Variants in ABCC8 observed in about 807,000 individuals in gnomAD.
The protein encoded by ABCC8 is ATP binding cassette subfamily C member 8, also known as ATP-binding cassette sub-family C member 8.
In ABCC8, 137 loss-of-function variants were observed where a neutral mutation model predicts 188.0. That is an observed-to-expected ratio of 0.73 (90% CI 0.63 to 0.84). The LOEUF is 0.84. Among genes scored for constraint, ABCC8 ranks in the 40% least tolerant of loss-of-function variants. The probability of loss-of-function intolerance (pLI) is 0.00; values close to 1 mark genes in which losing one functional copy is unlikely to be tolerated. For synonymous variants in ABCC8, 797 were observed against 846.5 expected, an observed-to-expected ratio of 0.94 and a Z score of 1.01; for missense variants, 1,750 against 2,072.7, an observed-to-expected ratio of 0.84 and a Z score of 3.02.
rs540842206 is a variant in ABCC8, at chr11:17,428,906, G to C, written c.1818-236C>G. On this transcript the variant is annotated intron_variant, in intron 12 of 38. Transcript: ENST00000389817. ...TGGGGTCTGGATTGGAGGTGAGATT[G>C]GTTAGTTTTAGGGTTAATGTTGAAG... 4.0e-4 allele frequency: 272 copies of C among 675,622 alleles called. 2 individuals carry two copies. The highest frequency in any genetic ancestry group is 2.9e-3 in the Middle Eastern group (7 of 2,436). 41.9% of individuals were successfully genotyped at this position (675,622 alleles called of 1,614,324 possible).
At chr11:17,439,226 T>C (rs1956218725) in intron 10 of ABCC8, among the ~76,000 whole-genome samples, 1 of 149,812 alleles carries the variant, frequency 6.7e-6, no homozygotes, top group African/African-American at 2.6e-5. Flanking sequence ...TGCCCATTCA[T>C]TCCCTTTTCA....
At chr11:17,428,156 A>G in intron 14 of ABCC8, 133 bp downstream of exon 14, 1 of 1,539,890 alleles carries the variant, frequency 6.5e-7, no homozygotes, top group Admixed American at 1.7e-5. Flanking sequence ...TGGTTTCTGG[A>G]CTCCTATGGA....
rs181522987 is a variant in ABCC8 at position 17,399,684 on chromosome 11, C to T, written c.3651-1243G>A. On this transcript the variant is annotated intron_variant, in intron 29 of 38. Coordinates refer to ENST00000389817, the MANE Select transcript of ABCC8 (RefSeq NM_000352.6). Reference sequence around the variant, plus strand: ...CATTTCTCTAGCTATTTATAATCATCTCCCTCAATAGACTGCAAATTCCAT... The same window carrying T: ...CATTTCTCTAGCTATTTATAATCATTTCCCTCAATAGACTGCAAATTCCAT... 5.3e-4 allele frequency among the ~76,000 whole-genome samples: 81 copies of T among 152,344 alleles called. No homozygotes were observed. In the East Asian group the frequency reaches 0.015, roughly 29 times the overall value.
intron 10 of ABCC8, chr11:17,435,937 AC>A: frequency 6.5e-7 from 1 of 1,546,662 alleles, no homozygotes; most frequent in Non-Finnish European, 8.9e-7. Context: ...AAAAAGAGAG[AC>A]CCCTGCACTC....
Position 17,428,386 on chromosome 11 carries a change from CG to C in ABCC8, c.1942del (p.Arg648AlafsTer61). On this transcript the variant is annotated frameshift_variant, in exon 14 of 39. Coordinates refer to ENST00000389817, the MANE Select transcript of ABCC8 (RefSeq NM_000352.6). LOFTEE classifies it high-confidence loss of function. The part of the protein sequence containing the change: ...YQAVPLRVVN[R>X]KRPAREDCRG... ...ACAATCCTCCCGGGCTGGACGCTTGCGGTTCACAACCCTGAGGGGCTGGGGG... is the reference window on the plus strand; with the variant it reads ...ACAATCCTCCCGGGCTGGACGCTTGCGTTCACAACCCTGAGGGGCTGGGGG... 1 of 1,613,742 alleles carries C rather than the reference CG, an allele frequency of 6.2e-7. No individual in the cohort carries two copies. The highest frequency in any genetic ancestry group is 8.5e-7 in the Non-Finnish European group (1 of 1,179,782).
intron 7 of ABCC8, among the ~76,000 whole-genome samples, chr11:17,450,294 CTTTCTT>C (rs1472177147): frequency 1.1e-4 from 15 of 134,768 alleles, no homozygotes; most frequent in Non-Finnish European, 2.1e-4. Flanking sequence ...TTCTTTCTTT[CTTTCTT>C]TCTTTCTTTC....
intron 10 of ABCC8, among the ~76,000 whole-genome samples, chr11:17,439,779 A>C (rs1219664815): frequency 6.6e-6 from 1 of 152,052 alleles, no homozygotes; most frequent in Admixed American, 6.6e-5. Flanking sequence ...GGTGACTTGG[A>C]CACGTGAGGA....
At chr11:17,421,020 G>A (rs1591780444) in intron 16 of ABCC8, among the ~76,000 whole-genome samples, 2 of 152,238 alleles carry the variant, frequency 1.3e-5, no homozygotes, top group Admixed American at 6.5e-5. Context: ...GGCTGCTGAC[G>A]TGAGGGACAA....
chr11:17,430,653 G>T, intron 12 of ABCC8, 161 bp downstream of exon 12: 1 of 855,496 alleles, frequency 1.2e-6, no homozygotes, highest in Non-Finnish European at 2.0e-6. Flanking sequence ...AAACCATACA[G>T]GCCAATGTCC....
intron 3 of ABCC8, among the ~76,000 whole-genome samples, chr11:17,466,119 G>T (rs1031319287): frequency 6.6e-6 from 1 of 152,134 alleles, no homozygotes; most frequent in Non-Finnish European, 1.5e-5. Context: ...AAGACAAATA[G>T]GCCAGGCAAG....
At chr11:17,435,747 A>C in intron 10 of ABCC8, 1 of 1,346,620 alleles carries the variant, frequency 7.4e-7, no homozygotes, top group Non-Finnish European at 1.1e-6. Context: ...ATAGCTGGGG[A>C]ATCTTCAGGC....
intron 8 of ABCC8, 157 bp downstream of exon 8, chr11:17,448,359 G>C (rs1399721745): frequency 1.4e-6 from 1 of 703,732 alleles, no homozygotes; most frequent in East Asian, 2.7e-5. Context: ...GGGACAGGAG[G>C]GACCCAGAGG....
At chr11:17,429,054 C>CCAGACACTGTGTTAACTGT (rs1955728764) in intron 12 of ABCC8, 1 of 276,724 alleles carries the variant, frequency 3.6e-6, no homozygotes, top group African/African-American at 2.2e-5. Context: ...ACACTAAATG[C>CCAGACACTGTGTTAACTGT]CAGACACTGT....
chr11:17,404,371 T>G lies in ABCC8; in HGVS notation c.3557+141A>C. On this transcript the variant is annotated intron_variant, in intron 28 of 38. Transcript: ENST00000389817. This position sits in a 1 kb window ranked among gnomAD's most constrained non-coding sequence, Gnocchi z 4.7. ...GGGCGGTGGAATAAGATGTGGATAT[T>G]TCTATTTCCTTCATTTCTGTTTTTT... is the stretch of plus-strand genomic sequence containing the variant. The G allele has an allele frequency of 1.1e-6, 1 of 906,506 alleles. No homozygotes were observed. The highest frequency in any genetic ancestry group is 1.8e-6 in the Non-Finnish European group (1 of 548,700). The allele number at this position is 906,506 out of a possible 1,614,324, so 56.2% of individuals were successfully genotyped here.
intron 3 of ABCC8, among the ~76,000 whole-genome samples, chr11:17,467,707 C>A (rs1490682122): frequency 6.6e-6 from 1 of 152,172 alleles, no homozygotes; most frequent in Non-Finnish European, 1.5e-5. Flanking sequence ...CAGACATCAG[C>A]CCCTTGGAGG....
Position 17,428,338 on chromosome 11 carries a change from T to A in ABCC8, c.1991A>T (p.Gln664Leu). 2 of 1,614,190 alleles carry A rather than the reference T, an allele frequency of 1.2e-6. No individual in the cohort carries two copies. The highest frequency in any genetic ancestry group is 2.2e-5 in the South Asian group (2 of 91,086). ...GCCATCTGCACTGGGGACCAGGCTC[T>A]GCAGTGGGCCGGTGAGGCCCCGACA... ...EDCRGLTGPL[Q>L]SLVPSADGDA... The change falls in exon 14 of 39, where the codon CAG (glutamine) becomes CTG (leucine). Residue 664 changes from glutamine (Q) to leucine (L), a missense_variant. Gln to Leu is a moderately radical substitution (Grantham distance 113). Coordinates refer to ENST00000389817, the MANE Select transcript of ABCC8 (RefSeq NM_000352.6).
intron 22 of ABCC8, among the ~76,000 whole-genome samples, chr11:17,409,182 C>T (rs1409369559): frequency 6.6e-6 from 1 of 151,744 alleles, no homozygotes; most frequent in Non-Finnish European, 1.5e-5. Flanking sequence ...GTCTCGAACT[C>T]CTGGGCTCAA....
Position 17,414,513 on chromosome 11 carries a change from G to A in ABCC8, c.2389C>T (p.Arg797Trp), listed in dbSNP as rs142620721. ...TGCCTCCCTCCGACAGGCTTTTACC[G>A]TTGTTTGTTGAAGGGACTCTCAAAG... Reference protein sequence around the residue: ...IIFESPFNKQRYKMVIEACSL... With the variant: ...IIFESPFNKQWYKMVIEACSL... Residue 797 changes from arginine (R) to tryptophan (W), a missense_variant and splice_region_variant, in exon 19 of 39, where the codon CGG (arginine) becomes TGG (tryptophan). Physicochemically the swap from Arg to Trp is moderately radical, Grantham distance 101. Transcript: ENST00000389817. 83 of 1,614,070 alleles carry A rather than the reference G, an allele frequency of 5.1e-5. No homozygotes were observed. The highest frequency in any genetic ancestry group is 8.9e-5 in the East Asian group (4 of 44,894).
At chr11:17,461,426 G>C (rs1957183638) in intron 5 of ABCC8, 157 bp downstream of exon 5, 1 of 926,094 alleles carries the variant, frequency 1.1e-6, no homozygotes, top group Non-Finnish European at 1.7e-6. Flanking sequence ...ACCTGTCCCT[G>C]GTTCACTGTG....
Sources: gnomAD v4.1 joint callset for allele counts (sites outside exome capture counted in the v4.1 genomes callset) on GRCh38, gnomAD v4.1.1 for gene constraint, Gnocchi (gnomAD v3.1) non-coding constraint, MANE v1.5 for transcripts, NCBI Gene and HGNC (gene_info 2026-07-23, HGNC 2026-07-21) for gene names.